CEP85L: variants seen among roughly 807,000 people sequenced by gnomAD.
The protein encoded by CEP85L is centrosomal protein 85L.
A neutral mutation model predicts 100.3 loss-of-function variants in CEP85L; 60 were observed. The ratio of observed to expected loss-of-function variants is 0.60; its 90% CI spans 0.49 to 0.74. The LOEUF is 0.74. CEP85L is among the 30% of genes least tolerant of loss of function. The probability of loss-of-function intolerance (pLI) is 0.00; values close to 1 mark genes in which losing one functional copy is unlikely to be tolerated. For missense variants in CEP85L, 973 were observed against 936.2 expected (o/e 1.04, Z -0.51); for synonymous variants, 319 against 322.7 (o/e 0.99, Z 0.12).
At chr6:118,612,137 CT>C (rs796167520) in intron 2 of CEP85L, among the ~76,000 whole-genome samples, 10 of 152,114 alleles carry the variant, frequency 6.6e-5, no homozygotes, top group African/African-American at 2.4e-4. Context: ...TGAAGAGTTT[CT>C]GGCTACAATG....
At chr6:118,682,171 A>C (rs541522957) in intron 1 of CEP85L, among the ~76,000 whole-genome samples, 2 of 152,318 alleles carry the variant, frequency 1.3e-5, no homozygotes, top group East Asian at 3.9e-4. Flanking sequence ...ATTGCACTTA[A>C]ATATCATTAT....
intron 3 of CEP85L, among the ~76,000 whole-genome samples, chr6:118,528,873 T>C (rs760512223): frequency 3.3e-5 from 5 of 152,214 alleles, no homozygotes; most frequent in Non-Finnish European, 7.3e-5. Context: ...ACTATACCTT[T>C]ATGATTTTGC....
intron 2 of CEP85L, among the ~76,000 whole-genome samples, chr6:118,614,206 G>T (rs974587410): frequency 5.9e-5 from 9 of 152,066 alleles, no homozygotes; most frequent in African/African-American, 1.9e-4. Flanking sequence ...TGCAAACTAG[G>T]AATAAGAAGT....
At chr6:118,528,240 G>A (rs1211533930) in intron 3 of CEP85L, among the ~76,000 whole-genome samples, 1 of 149,012 alleles carries the variant, frequency 6.7e-6, no homozygotes, top group African/African-American at 2.5e-5. Context: ...ACGTTTCTTG[G>A]CATCAAGAAA....
intron 1 of CEP85L, among the ~76,000 whole-genome samples, chr6:118,675,124 A>C (rs1776441473): frequency 6.6e-6 from 1 of 152,084 alleles, no homozygotes; most frequent in Non-Finnish European, 1.5e-5. Context: ...ACTCACATAC[A>C]AGGGCATATT....
rs1190048581 is a variant in CEP85L, at chr6:118,630,907, C to T, written c.232+1546G>A. 7.2e-5 allele frequency among the ~76,000 whole-genome samples: 11 copies of T among 152,162 alleles called. No individual in the cohort carries two copies. The East Asian group carries it at 1.5e-3, about 21-fold the overall frequency. On this transcript the variant is annotated intron_variant, in intron 2 of 12. Transcript: ENST00000368491. ...GCACATGCAAGGGATATAGGTTGTGCGCTCCTTATGAGAATCTAATGATAA... is the reference window on the plus strand; with the variant it reads ...GCACATGCAAGGGATATAGGTTGTGTGCTCCTTATGAGAATCTAATGATAA...
intron 3 of CEP85L, among the ~76,000 whole-genome samples, chr6:118,555,688 G>A (rs1778821335): frequency 6.6e-6 from 1 of 152,128 alleles, no homozygotes; most frequent in South Asian, 2.1e-4. Context: ...GGGTATGTGT[G>A]AAGGTTTGTT....
intron 1 of CEP85L, among the ~76,000 whole-genome samples, chr6:118,682,087 T>C (rs572546595): frequency 3.6e-4 from 55 of 152,282 alleles, no homozygotes; most frequent in African/African-American, 1.3e-3. Context: ...CTTCTAATCA[T>C]AATATTTCTT....
intron 1 of CEP85L, among the ~76,000 whole-genome samples, chr6:118,661,190 G>A (rs1010907776): frequency 2.0e-5 from 3 of 151,982 alleles, no homozygotes; most frequent in Non-Finnish European, 4.4e-5. Context: ...CAGCCAAGGT[G>A]TCAGAATTTT....
chr6:118,537,056 C>T (rs907823715), intron 3 of CEP85L, among the ~76,000 whole-genome samples: 9 of 152,192 alleles, frequency 5.9e-5, no homozygotes, highest in African/African-American at 2.2e-4. Flanking sequence ...GATAGAAAAA[C>T]ATGTATCAAA....
chr6:118,504,839 G>C (rs991823008), intron 5 of CEP85L, among the ~76,000 whole-genome samples: 30 of 152,194 alleles, frequency 2.0e-4, no homozygotes, highest in Non-Finnish European at 4.1e-4. Context: ...CCCAGATGGT[G>C]TCTGCTGAAG....
Position 118,486,871 on chromosome 6 carries a change from C to A in CEP85L, c.1438-3013G>T, listed in dbSNP as rs559983284. Among the ~76,000 whole-genome samples, 22 of 152,124 alleles carry A rather than the reference C, an allele frequency of 1.4e-4. No homozygotes were observed. In the South Asian group the frequency reaches 4.6e-3, roughly 32 times the overall value. ...ATCTCTCTCTCTCTCATTGTTTTTT[C>A]CCTAGTCTACCTTACTGCTTTCTCT... On this transcript the variant is annotated intron_variant, in intron 6 of 12. Transcript: ENST00000368491.
At chr6:118,532,150 A>G (rs763682132) in intron 3 of CEP85L, among the ~76,000 whole-genome samples, 35 of 152,204 alleles carry the variant, frequency 2.3e-4, no homozygotes, top group Non-Finnish European at 4.0e-4. Context: ...CTATGTATAT[A>G]CATAGTGTAT....
chr6:118,472,395 A>C (rs768606828), intron 10 of CEP85L, among the ~76,000 whole-genome samples: 1 of 152,148 alleles, frequency 6.6e-6, no homozygotes, highest in Non-Finnish European at 1.5e-5. Context: ...TAATAGGTAA[A>C]AGACATTGCA....
At position 118,669,636 on chromosome 6, in the gene CEP85L, C is replaced by A. The variant is rs539924455; in HGVS notation, c.-27-16828G>T. On this transcript the variant is annotated intron_variant, in intron 1 of 13. Coordinates refer to the CEP85L transcript ENST00000368488. ...CAGTCACTTTGTGAAAAACCAATTT[C>A]TCCAAGTCAGAACCTAGAATTTATG... Among the ~76,000 whole-genome samples the A allele has an allele frequency of 2.0e-5, 3 of 152,278 alleles. No individual in the cohort carries two copies. The South Asian group carries it at 6.2e-4, about 32-fold the overall frequency.
At chr6:118,689,916 C>CTTTTTTT (rs34964907) in intron 1 of CEP85L, among the ~76,000 whole-genome samples, 3 of 136,206 alleles carry the variant, frequency 2.2e-5, no homozygotes, top group Non-Finnish European at 3.2e-5. Context: ...TCCCTGCCTG[C>CTTTTTTT]TTTTTTTTTT....
At chr6:118,588,861 T>C (rs956895337) in intron 2 of CEP85L, among the ~76,000 whole-genome samples, 1 of 152,184 alleles carries the variant, frequency 6.6e-6, no homozygotes, top group African/African-American at 2.4e-5. Context: ...CCCTAGCTGC[T>C]GTTCCCCATT....
At chr6:118,497,722 C>T (rs1336921457) in intron 5 of CEP85L, among the ~76,000 whole-genome samples, 1 of 152,142 alleles carries the variant, frequency 6.6e-6, no homozygotes, top group Admixed American at 6.5e-5. Context: ...AGTATATCTG[C>T]TTTGCAAGAA....
intron 4 of CEP85L, among the ~76,000 whole-genome samples, chr6:118,520,174 C>T (rs551174426): frequency 2.6e-5 from 4 of 152,258 alleles, no homozygotes; most frequent in African/African-American, 9.6e-5. Flanking sequence ...CTCACTGCTT[C>T]TATTCATCAC....
Sources: allele counts gnomAD v4.1 joint callset (sites outside exome capture counted in the v4.1 genomes callset), GRCh38; gene constraint gnomAD v4.1.1; transcripts MANE v1.5; gene names NCBI Gene and HGNC (gene_info 2026-07-23, HGNC 2026-07-21).